The following CENPP variants were observed in gnomAD, a reference collection of about 807,000 sequenced individuals.
CENPP encodes centromere protein P.
Under a neutral mutation model 35.6 loss-of-function variants are expected in CENPP, and 24 were observed. The ratio of observed to expected loss-of-function variants is 0.67; its 90% CI spans 0.49 to 0.95. The LOEUF is 0.95. Ranked by LOEUF, CENPP falls within the 40% of genes least tolerant of loss-of-function variation. CENPP has a pLI of 0.00. For synonymous variants in CENPP, 120 were observed against 125.5 expected, an observed-to-expected ratio of 0.96 and a Z score of 0.29; for missense variants, 332 against 345.3, an observed-to-expected ratio of 0.96 and a Z score of 0.31.
chr9:92,609,945 AGGCTG>A (rs1851191224), intron 5 of CENPP, among the ~76,000 whole-genome samples: 1 of 152,074 alleles, frequency 6.6e-6, no homozygotes, highest in Non-Finnish European at 1.5e-5. Flanking sequence ...CATGTTTGCC[AGGCTG>A]GTCTTGAACT....
chr9:92,364,422 T>TGA (rs1456119785), intron 4 of CENPP, among the ~76,000 whole-genome samples: 1 of 152,198 alleles, frequency 6.6e-6, no homozygotes, highest in Non-Finnish European at 1.5e-5. Context: ...AAAGATATCA[T>TGA]TCTGGGTATA....
chr9:92,403,134 T>A, intron 5 of CENPP: 1 of 704,242 alleles, frequency 1.4e-6, no homozygotes. Context: ...AAAGTGATTT[T>A]CCCTTCCCCT....
chr9:92,518,894 A>G (rs540599953), intron 5 of CENPP, among the ~76,000 whole-genome samples: 1 of 152,298 alleles, frequency 6.6e-6, no homozygotes, highest in East Asian at 1.9e-4. Context: ...CCCTAAATAA[A>G]TAAATAAACA....
In CENPP at chr9:92,379,962, A is replaced by G. The variant is rs1842208833; in HGVS notation, c.564+103A>G. The G allele has an allele frequency of 6.8e-6, 5 of 730,642 alleles. No homozygotes were observed. The South Asian group carries it at 8.7e-5, about 13-fold the overall frequency. The allele number at this position is 730,642 out of a possible 1,614,324, so 45.3% of individuals were successfully genotyped here. On this transcript the variant is annotated intron_variant, in intron 5 of 7. Transcript: ENST00000375587. ...CTTTTCTTAAAAGCTTTCAAACAGT[A>G]GAAAATATTCTCATTGACTTTTGGA...
At chr9:92,429,306 C>T (rs1292294641) in intron 5 of CENPP, among the ~76,000 whole-genome samples, 1 of 152,142 alleles carries the variant, frequency 6.6e-6, no homozygotes, top group African/African-American at 2.4e-5. Context: ...ACCTGGTGAA[C>T]TCATCAGCAG....
At chr9:92,474,956 A>G (rs1259341768) in intron 5 of CENPP, 6 of 1,506,322 alleles carry the variant, frequency 4.0e-6, no homozygotes, top group Admixed American at 5.2e-5. Context: ...TTAAATTTAA[A>G]TGGATATAAT....
At chr9:92,460,444 A>G in intron 5 of CENPP, 1 of 1,359,364 alleles carries the variant, frequency 7.4e-7, no homozygotes, top group African/African-American at 1.4e-5. Context: ...AGGAGGTATC[A>G]TTCTAAGTTA....
intron 4 of CENPP, among the ~76,000 whole-genome samples, chr9:92,360,051 T>C (rs1365001482): frequency 5.3e-5 from 8 of 152,308 alleles, no homozygotes. Flanking sequence ...AATTGTTATA[T>C]AAGTGGAGAG....
intron 5 of CENPP, chr9:92,464,917 A>G: frequency 6.3e-7 from 1 of 1,588,158 alleles, no homozygotes; most frequent in Non-Finnish European, 8.6e-7. Flanking sequence ...GTAAATACAA[A>G]CCTTTAGGAA....
At chr9:92,545,409 G>A (rs1225836591) in intron 5 of CENPP, among the ~76,000 whole-genome samples, 1 of 152,172 alleles carries the variant, frequency 6.6e-6, no homozygotes, top group Non-Finnish European at 1.5e-5. Flanking sequence ...AGCTGCGGAG[G>A]GTGCGTCGGG....
intron 5 of CENPP, among the ~76,000 whole-genome samples, chr9:92,588,129 G>A (rs1194719954): frequency 1.3e-5 from 2 of 151,692 alleles, no homozygotes; most frequent in Non-Finnish European, 2.9e-5. Flanking sequence ...GACATAGCAA[G>A]ACTCTGTCTC....
chr9:92,392,853 T>C (rs549619322), intron 5 of CENPP, among the ~76,000 whole-genome samples: 10 of 152,294 alleles, frequency 6.6e-5, no homozygotes, highest in Non-Finnish European at 4.4e-5. Flanking sequence ...ATATGTTAGA[T>C]GGGCTGTCAT....
At chr9:92,497,874 T>TAAA (rs71362393) in intron 5 of CENPP, among the ~76,000 whole-genome samples, 1 of 134,882 alleles carries the variant, frequency 7.4e-6, no homozygotes, top group Non-Finnish European at 1.6e-5. Flanking sequence ...GCTGGTTGTT[T>TAAA]AAAAAAAAAA....
At chr9:92,427,010 A>C (rs1564314888) in intron 5 of CENPP, among the ~76,000 whole-genome samples, 1 of 152,182 alleles carries the variant, frequency 6.6e-6, no homozygotes, top group Non-Finnish European at 1.5e-5. Context: ...GGCTGTTTCC[A>C]GGAGGACTGG....
intron 5 of CENPP, among the ~76,000 whole-genome samples, chr9:92,452,560 C>CT (rs1844743455): frequency 2.0e-5 from 3 of 152,158 alleles, no homozygotes; most frequent in African/African-American, 7.2e-5. Flanking sequence ...CTAAAATTCT[C>CT]CTTTTTTGTG....
intron 5 of CENPP, among the ~76,000 whole-genome samples, chr9:92,449,767 C>T (rs1844654650): frequency 6.6e-6 from 1 of 152,000 alleles, no homozygotes; most frequent in Non-Finnish European, 1.5e-5. Context: ...TTTCTCTAGC[C>T]AAGTGAAATG....
rs181856531 is a variant in CENPP at position 92,581,121 on chromosome 9, A to T, written c.565-30193A>T. On this transcript the variant is annotated intron_variant, in intron 5 of 7. Transcript: ENST00000375587. ...ATGTAGTTGAGCGGTTTTGAGTGAG[A>T]TTCTTAATCCTGAGTTCTAGTTTGA... Among the ~76,000 whole-genome samples, 94 of 152,124 alleles carry T rather than the reference A, an allele frequency of 6.2e-4. 1 individual carries two copies. The highest frequency in any genetic ancestry group is 1.8e-3 in the African/African-American group (73 of 41,514).
chr9:92,411,941 G>A (rs1261588015), intron 5 of CENPP, among the ~76,000 whole-genome samples: 1 of 151,982 alleles, frequency 6.6e-6, no homozygotes, highest in Non-Finnish European at 1.5e-5. Context: ...TGCCGCTTTA[G>A]CATTTTATTT....
chr9:92,337,163 C>A (rs1297392864), intron 2 of CENPP, among the ~76,000 whole-genome samples: 2 of 152,038 alleles, frequency 1.3e-5, no homozygotes, highest in South Asian at 4.2e-4. Flanking sequence ...ACTAAAAATA[C>A]AAAAATTAGC....
Sources: allele counts gnomAD v4.1 joint callset (sites outside exome capture counted in the v4.1 genomes callset), GRCh38; gene constraint gnomAD v4.1.1; transcripts MANE v1.5; gene names NCBI Gene and HGNC (gene_info 2026-07-23, HGNC 2026-07-21).